The following OPA3 variants were observed in gnomAD, a reference collection of about 807,000 sequenced individuals.
OPA3 encodes outer mitochondrial membrane lipid metabolism regulator OPA3.
Under a neutral mutation model 4.0 loss-of-function variants are expected in OPA3, and 6 were observed. The observed-to-expected ratio is 1.51, with a 90% CI of 0.83 to 2.99. The LOEUF (loss-of-function observed/expected upper bound fraction) is 2.99. Among genes scored for constraint, OPA3 ranks in the 30% most tolerant of loss-of-function variants. OPA3 has a pLI of 0.00. For missense variants in OPA3, 235 were observed against 256.2 expected (o/e 0.92, Z 0.56); for synonymous variants, 105 against 117.1 (o/e 0.90, Z 0.67).
At chr19:45,562,769 C>A (rs1969524545) in intron 1 of OPA3, among the ~76,000 whole-genome samples, 1 of 152,192 alleles carries the variant, frequency 6.6e-6, no homozygotes, top group Non-Finnish European at 1.5e-5. Context: ...CAGAAAAGGA[C>A]ACCAGTGGAA....
rs1022463760 is a variant in OPA3 at position 45,546,478 on chromosome 19, C to T, written c.*7036G>A. 46 of 603,998 alleles carry T rather than the reference C, an allele frequency of 7.6e-5. No individual in the cohort carries two copies. Among genetic ancestry groups the T allele is most frequent in the Non-Finnish European group, 8.9e-5 (43 of 483,474 alleles). 37.4% of individuals were successfully genotyped at this position (603,998 alleles called of 1,614,324 possible). ...GTAAATTATTGTATAAATATGCACA[C>T]GATGGATTACATAAACTCTGCTTTT... is the stretch of plus-strand genomic sequence containing the variant. On this transcript the variant is annotated 3_prime_UTR_variant, in exon 2 of 2. Coordinates refer to ENST00000263275, the MANE Select transcript of OPA3 (RefSeq NM_025136.4).
intron 1 of OPA3, among the ~76,000 whole-genome samples, chr19:45,534,447 A>G (rs116827157): frequency 0.022 from 3,357 of 150,072 alleles, 66 homozygotes; most frequent in South Asian, 0.052. Context: ...CTGTAATCCC[A>G]GTACTTTCGA....
intron 1 of OPA3, among the ~76,000 whole-genome samples, chr19:45,537,695 C>T (rs1462790337): frequency 6.6e-6 from 1 of 151,746 alleles, no homozygotes; most frequent in Non-Finnish European, 1.5e-5. Flanking sequence ...TGCAGTGGTG[C>T]GATCTCGGCT....
chr19:45,550,532 G>A lies in OPA3; in HGVS notation c.*2982C>T. The A allele has an allele frequency of 1.0e-6, 1 of 986,932 alleles. No individual in the cohort carries two copies. The highest frequency in any genetic ancestry group is 1.2e-6 in the Non-Finnish European group (1 of 831,180). The allele number at this position is 986,932 out of a possible 1,614,324, so 61.1% of individuals were successfully genotyped here. On this transcript the variant is annotated 3_prime_UTR_variant, in exon 2 of 2. Transcript: ENST00000263275. ...CCTCTCCCTCCTCACTCTGCAGCTG[G>A]GGTAATCCAAGCCTCTCACTCTGCC...
chr19:45,551,014 G>T lies in OPA3; in HGVS notation c.*2500C>A. On this transcript the variant is annotated 3_prime_UTR_variant, in exon 2 of 2. Coordinates refer to ENST00000263275, the MANE Select transcript of OPA3 (RefSeq NM_025136.4). ...CTCACTCTGTCATCCAGGCTGGAGT[G>T]TAGTGGCGCGATCACGGCTCGCTGC... The T allele has an allele frequency of 1.1e-6, 1 of 943,884 alleles. No homozygotes were observed. Among genetic ancestry groups the T allele is most frequent in the Non-Finnish European group, 1.3e-6 (1 of 792,152 alleles). The allele number at this position is 943,884 out of a possible 1,614,324, so 58.5% of individuals were successfully genotyped here.
chr19:45,567,609 C>T (rs1439965132), intron 1 of OPA3, among the ~76,000 whole-genome samples: 1 of 152,078 alleles, frequency 6.6e-6, no homozygotes, highest in Non-Finnish European at 1.5e-5. Context: ...TACCAATACT[C>T]ATTGAACTGT....
rs143322814 is a variant in OPA3, at chr19:45,570,538, T to A, written c.142+14085A>T. Among the ~76,000 whole-genome samples, 1,032 of 151,924 alleles carry A rather than the reference T, an allele frequency of 6.8e-3. 8 individuals carry two copies. Among genetic ancestry groups the A allele is most frequent in the Middle Eastern group, 0.024 (7 of 294 alleles). Reference sequence around the variant, plus strand: ...TCTCCAATAATAATACAAAAAAAAATTAGCTGGGCATAATGGCACACCCCT... The same window carrying A: ...TCTCCAATAATAATACAAAAAAAAAATAGCTGGGCATAATGGCACACCCCT... On this transcript the variant is annotated intron_variant, in intron 1 of 1. Coordinates refer to ENST00000263275, the MANE Select transcript of OPA3 (RefSeq NM_025136.4).
chr19:45,532,385 T>G lies in OPA3; in HGVS notation c.143-2929A>C, dbSNP rs1307233353. The stretch of plus-strand genomic sequence containing the variant: ...TGATCCTAGTGAGTTCTGTGAGTCT[T>G]TCTAGCAAATTACTGAAACTGATGG... On this transcript the variant is annotated intron_variant, in intron 1 of 1. Coordinates refer to the OPA3 transcript ENST00000323060. 3.9e-5 allele frequency among the ~76,000 whole-genome samples: 6 copies of G among 152,168 alleles called. No homozygotes were observed. The East Asian group carries it at 1.2e-3, about 29-fold the overall frequency.
chr19:45,551,517 G>A lies in OPA3; in HGVS notation c.*1997C>T, dbSNP rs1969332912. The stretch of plus-strand genomic sequence containing the variant: ...AGGGAAAAGGCCATGTGAAGCTGCA[G>A]GCAGAGCCAAGGAAGGCCTGGAATC... On this transcript the variant is annotated 3_prime_UTR_variant, in exon 2 of 2. Coordinates refer to ENST00000263275, the MANE Select transcript of OPA3 (RefSeq NM_025136.4). 6.1e-6 allele frequency: 1 copy of A among 163,560 alleles called. No homozygotes were observed. The allele number at this position is 163,560 out of a possible 1,614,324, so 10.1% of individuals were successfully genotyped here. A position where few individuals can be genotyped will look rare whatever the true frequency, so the allele number is the denominator to read the frequency against.
At chr19:45,530,955 TTTTTTTTG>T (rs1969054333) in intron 1 of OPA3, among the ~76,000 whole-genome samples, 1 of 110,474 alleles carries the variant, frequency 9.1e-6, no homozygotes, top group South Asian at 3.6e-4. Flanking sequence ...TTTTTTTTTT[TTTTTTTTG>T]CATTTTAGTA....
At chr19:45,559,692 C>T (rs554974722) in intron 1 of OPA3, among the ~76,000 whole-genome samples, 1 of 152,130 alleles carries the variant, frequency 6.6e-6, no homozygotes, top group South Asian at 2.1e-4. Context: ...TGTGAGCCAC[C>T]GCACCTGGCC....
chr19:45,530,472 G>A (rs557585482), intron 1 of OPA3, among the ~76,000 whole-genome samples: 60 of 151,848 alleles, frequency 4.0e-4, no homozygotes, highest in Non-Finnish European at 7.8e-4. Flanking sequence ...TTTTACAAGT[G>A]GTTTTTATTT....
chr19:45,544,173 C>T (rs1036621415), downstream of OPA3, among the ~76,000 whole-genome samples: 1 of 152,130 alleles, frequency 6.6e-6, no homozygotes, highest in Non-Finnish European at 1.5e-5. Flanking sequence ...GATCTGAGCC[C>T]ATGCCCTTCC....
intron 1 of OPA3, among the ~76,000 whole-genome samples, chr19:45,536,548 CAAA>C (rs34377614): frequency 3.1e-5 from 3 of 96,414 alleles, no homozygotes; most frequent in African/African-American, 3.6e-5. Context: ...AACTCTGTCT[CAAA>C]AAAAAAAAAA....
chr19:45,566,704 G>A (rs1969588585), intron 1 of OPA3, among the ~76,000 whole-genome samples: 1 of 151,602 alleles, frequency 6.6e-6, no homozygotes, highest in African/African-American at 2.4e-5. Context: ...TCAATCTCCT[G>A]ACCTTGTGAT....
rs543946418 is a variant in OPA3 at position 45,531,148 on chromosome 19, T to A, written c.143-1692A>T. Among the ~76,000 whole-genome samples the A allele has an allele frequency of 1.3e-4, 19 of 151,976 alleles. 1 individual carries two copies. The highest frequency in any genetic ancestry group is 4.6e-4 in the African/African-American group (19 of 41,402). ...AATTGCTTTGTGCAATGCTTTGTGC[T>A]GCCTGAAATTGAAAATATAGACCAT... On this transcript the variant is annotated intron_variant, in intron 1 of 1. Coordinates refer to the OPA3 transcript ENST00000323060.
In OPA3 at chr19:45,550,179, A is replaced by G. The variant is rs926034254; in HGVS notation, c.*3335T>C. On this transcript the variant is annotated 3_prime_UTR_variant, in exon 2 of 2. Coordinates refer to ENST00000263275, the MANE Select transcript of OPA3 (RefSeq NM_025136.4). ...CCGAAAGAAAAGAAAAGAAAAAAGA[A>G]GAGAAAAGAAGAAAAGAAAAGTTTC... 3.1e-6 allele frequency: 3 copies of G among 981,590 alleles called. No individual in the cohort carries two copies. The highest frequency in any genetic ancestry group is 3.6e-6 in the Non-Finnish European group (3 of 826,556). The allele number at this position is 981,590 out of a possible 1,614,324, so 60.8% of individuals were successfully genotyped here. A position where few individuals can be genotyped will look rare whatever the true frequency, so the allele number is the denominator to read the frequency against.
At chr19:45,572,253 A>C (rs1969678520) in intron 1 of OPA3, among the ~76,000 whole-genome samples, 1 of 137,504 alleles carries the variant, frequency 7.3e-6, no homozygotes, top group African/African-American at 2.8e-5. Flanking sequence ...TATCTCATAT[A>C]AATAAAAAAT....
chr19:45,532,770 G>A (rs943128949), intron 1 of OPA3, among the ~76,000 whole-genome samples: 1 of 151,912 alleles, frequency 6.6e-6, no homozygotes, highest in Admixed American at 6.6e-5. Flanking sequence ...ATAGAGATGG[G>A]GTCTCACTAT....
Sources: gnomAD v4.1 joint callset for allele counts (sites outside exome capture counted in the v4.1 genomes callset) on GRCh38, gnomAD v4.1.1 for gene constraint, MANE v1.5 for transcripts, NCBI Gene and HGNC (gene_info 2026-07-23, HGNC 2026-07-21) for gene names.